The following TDRP variants were observed in gnomAD, a reference collection of about 807,000 sequenced individuals.
The protein encoded by TDRP is testis development related protein.
A neutral mutation model predicts 10.5 loss-of-function variants in TDRP; 12 were observed. That is an observed-to-expected ratio of 1.15 (90% confidence interval 0.73 to 1.86). The LOEUF (loss-of-function observed/expected upper bound fraction) is 1.86. Among genes scored for constraint, TDRP ranks in the 40% most tolerant of loss-of-function variants. The pLI, the probability that TDRP is intolerant of heterozygous loss-of-function variation, is 0.00. For missense variants in TDRP, 353 were observed against 229.2 expected, an observed-to-expected ratio of 1.54 and a Z score of -3.49; for synonymous variants, 139 against 95.4, an observed-to-expected ratio of 1.46 and a Z score of -2.67.
intron 1 of TDRP, among the ~76,000 whole-genome samples, chr8:505,681 T>C (rs956041211): frequency 1.3e-5 from 2 of 152,218 alleles, no homozygotes; most frequent in African/African-American, 4.8e-5. Flanking sequence ...AGTGCTTCAC[T>C]GAGGCTTTAG....
At chr8:510,391 T>C (rs1047744810) in intron 1 of TDRP, among the ~76,000 whole-genome samples, 16 of 152,106 alleles carry the variant, frequency 1.1e-4, no homozygotes, top group Admixed American at 6.5e-4. Flanking sequence ...CCAAGAGTTT[T>C]TGAACCTCTG....
At position 492,720 on chromosome 8, in the gene TDRP, C is replaced by T. The variant is rs1290570602; in HGVS notation, c.237G>A (p.Glu79=). The change falls in exon 3 of 3, where the codon GAG becomes GAA. Residue 79 remains glutamate (E), a synonymous_variant. Transcript: ENST00000324079. The part of the protein sequence containing the change: ...SKGTNLRLKE[E]LKAEKKSGFW... ...ATCCAGATTTCTTCTCTGCCTTCAA[C>T]TCTTCTTTTAATCGTAAGTTAGTTC... 2 of 1,612,332 alleles carry T rather than the reference C, an allele frequency of 1.2e-6. No individual in the cohort carries two copies. The highest frequency in any genetic ancestry group is 1.3e-5 in the African/African-American group (1 of 74,750).
intron 1 of TDRP, among the ~76,000 whole-genome samples, chr8:532,687 T>G (rs927318219): frequency 2.6e-5 from 4 of 152,224 alleles, no homozygotes; most frequent in Non-Finnish European, 5.9e-5. Flanking sequence ...AGACTTCCTA[T>G]TTTTACCCTA....
Position 509,165 on chromosome 8 carries a change from G to C in TDRP, c.109-14568C>G, listed in dbSNP as rs549827523. 1.3e-3 allele frequency among the ~76,000 whole-genome samples: 203 copies of C among 152,334 alleles called. 1 individual carries two copies. Among genetic ancestry groups the C allele is most frequent in the African/African-American group, 4.7e-3 (194 of 41,580 alleles). ...CAGCTGCTTTCATGGCTGGTATTGA[G>C]TGTCTGCAGCTTTTCCAGGCATATG... On this transcript the variant is annotated intron_variant, in intron 1 of 2. Transcript: ENST00000324079.
At chr8:506,555 C>A (rs776255172) in intron 1 of TDRP, among the ~76,000 whole-genome samples, 1 of 152,210 alleles carries the variant, frequency 6.6e-6, no homozygotes, top group Non-Finnish European at 1.5e-5. Context: ...ATGTGCTGCA[C>A]TGCAAACAGT....
At chr8:512,040 G>A (rs2116786795) in intron 1 of TDRP, among the ~76,000 whole-genome samples, 1 of 152,114 alleles carries the variant, frequency 6.6e-6, no homozygotes, top group South Asian at 2.1e-4. Context: ...GAAGCAAAAG[G>A]TAGGAAATCA....
chr8:511,575 T>C (rs1270172426), intron 1 of TDRP, among the ~76,000 whole-genome samples: 1 of 152,110 alleles, frequency 6.6e-6, no homozygotes, highest in Non-Finnish European at 1.5e-5. Context: ...ACAGAAGATG[T>C]GGAAAAACAC....
chr8:529,849 C>A (rs911682242), intron 1 of TDRP, among the ~76,000 whole-genome samples: 6 of 152,146 alleles, frequency 3.9e-5, no homozygotes, highest in South Asian at 2.1e-4. Flanking sequence ...TCAGTGTGGG[C>A]TTCTTTACCC....
rs746406448 is a variant in TDRP at position 492,381 on chromosome 8, C to A, written c.*18G>T. 3 of 1,490,026 alleles carry A rather than the reference C, an allele frequency of 2.0e-6. No homozygotes were observed. The South Asian group carries it at 4.3e-5, about 21-fold the overall frequency. 92.3% of individuals were successfully genotyped at this position (1,490,026 alleles called of 1,614,324 possible). On this transcript the variant is annotated 3_prime_UTR_variant, in exon 3 of 3. Coordinates refer to ENST00000324079, the MANE Select transcript of TDRP (RefSeq NM_001384899.1). ...TAAAAGGCCACCATGTCGGGGCACA[C>A]TTGCCACGCAGCCCCCCTCACTCCG... is the stretch of plus-strand genomic sequence containing the variant.
At chr8:528,768 T>C (rs1039307902) in intron 1 of TDRP, among the ~76,000 whole-genome samples, 7 of 152,270 alleles carry the variant, frequency 4.6e-5, no homozygotes, top group Non-Finnish European at 5.9e-5. Context: ...TCTAAAGGAA[T>C]AGAATAGGAT....
At chr8:526,111 C>T (rs187668373) in intron 1 of TDRP, among the ~76,000 whole-genome samples, 1 of 152,232 alleles carries the variant, frequency 6.6e-6, no homozygotes, top group Non-Finnish European at 1.5e-5. Flanking sequence ...TAGTGAGTAG[C>T]CTTTAGTGAG....
chr8:512,223 A>G (rs965141184), intron 1 of TDRP, among the ~76,000 whole-genome samples: 5 of 151,944 alleles, frequency 3.3e-5, no homozygotes, highest in African/African-American at 1.2e-4. Context: ...GGAGACTGAG[A>G]CCATCCTGGC....
intron 1 of TDRP, among the ~76,000 whole-genome samples, chr8:543,687 T>A (rs146097660): frequency 2.0e-4 from 30 of 152,248 alleles, no homozygotes; most frequent in African/African-American, 6.3e-4. Flanking sequence ...AATTTAACGT[T>A]CATAGAAAAT....
rs1195540576 is a variant in TDRP, at chr8:526,389, T to C, written c.108+18261A>G. On this transcript the variant is annotated intron_variant, in intron 1 of 2. Coordinates refer to ENST00000324079, the MANE Select transcript of TDRP (RefSeq NM_001384899.1). ...CTATTATTATGTGGAGTTATGTTCC[T>C]TCTATACAGTTTTTTGAGCGTTCTT... is the stretch of plus-strand genomic sequence containing the variant. 2.6e-5 allele frequency among the ~76,000 whole-genome samples: 4 copies of C among 152,194 alleles called. No homozygotes were observed. The East Asian group carries it at 5.8e-4, about 22-fold the overall frequency.
chr8:491,690 C>T lies in TDRP; in HGVS notation c.*709G>A. 1 of 1,492,878 alleles carries T rather than the reference C, an allele frequency of 6.7e-7. No homozygotes were observed. Among genetic ancestry groups the T allele is most frequent in the African/African-American group, 1.4e-5 (1 of 70,540 alleles). 92.5% of individuals were successfully genotyped at this position (1,492,878 alleles called of 1,614,324 possible). ...TTTAATCTGTAAACAAAAAAGAGAG[C>T]AAATGTTTTAAGAAAATAAAGGGAC... On this transcript the variant is annotated 3_prime_UTR_variant, in exon 3 of 3. Transcript: ENST00000324079.
At chr8:528,589 C>A (rs1184038241) in intron 1 of TDRP, among the ~76,000 whole-genome samples, 1 of 131,860 alleles carries the variant, frequency 7.6e-6, no homozygotes, top group Admixed American at 8.3e-5. Context: ...ATGACTACAG[C>A]CAATAATATT....
intron 1 of TDRP, among the ~76,000 whole-genome samples, chr8:518,876 T>C (rs762806451): frequency 6.6e-6 from 1 of 152,186 alleles, no homozygotes; most frequent in Non-Finnish European, 1.5e-5. Flanking sequence ...AAAAACTCAA[T>C]GTTTAGTCTT....
chr8:494,105 T>A (rs980830498), intron 2 of TDRP, among the ~76,000 whole-genome samples: 1 of 148,536 alleles, frequency 6.7e-6, no homozygotes, highest in Non-Finnish European at 1.5e-5. Flanking sequence ...TATAGGCACA[T>A]GCCACCATGT....
intron 1 of TDRP, among the ~76,000 whole-genome samples, chr8:529,630 G>A (rs190005823): frequency 6.6e-6 from 1 of 152,280 alleles, no homozygotes. Context: ...GGTTTTGCCA[G>A]CTACAGTATT....
Sources: allele counts gnomAD v4.1 joint callset (sites outside exome capture counted in the v4.1 genomes callset), GRCh38; gene constraint gnomAD v4.1.1; transcripts MANE v1.5; gene names NCBI Gene and HGNC (gene_info 2026-07-23, HGNC 2026-07-21).